Variants in XPC observed in about 807,000 individuals in gnomAD.
XPC encodes the protein XPC complex subunit, DNA damage recognition and repair factor, also known as DNA repair protein complementing XP-C cells.
A neutral mutation model predicts 95.8 loss-of-function variants in XPC; 76 were observed. The observed-to-expected ratio is 0.79, with a 90% CI of 0.66 to 0.96. The LOEUF is 0.96. Among genes scored for constraint, XPC ranks in the 40% least tolerant of loss-of-function variants. The probability of loss-of-function intolerance (pLI) is 0.00; values close to 1 mark genes in which losing one functional copy is unlikely to be tolerated. For missense variants in XPC, 1,146 were observed against 1,179.8 expected (o/e 0.97, Z 0.42); for synonymous variants, 442 against 442.1 (o/e 1.00, Z 0.00).
chr3:14,154,710 A>T (rs1695831196), intron 10 of XPC, among the ~76,000 whole-genome samples: 1 of 152,086 alleles, frequency 6.6e-6, no homozygotes, highest in African/African-American at 2.4e-5. Context: ...CTGGAGATGG[A>T]TGGTGGTGAT....
chr3:14,157,942 G>A, intron 9 of XPC, 69 bp downstream of exon 9: 9 of 1,522,258 alleles, frequency 5.9e-6, no homozygotes, highest in South Asian at 1.3e-5. Context: ...CATATATAAG[G>A]TGCTCAAAAA....
At chr3:14,168,227 A>G (rs1559381597) in intron 4 of XPC, 30 bp downstream of exon 4, 4 of 1,587,474 alleles carry the variant, frequency 2.5e-6, no homozygotes, top group Non-Finnish European at 2.6e-6. Flanking sequence ...TGCATGTGAC[A>G]GGAGCCTAGA....
intron 1 of XPC, among the ~76,000 whole-genome samples, chr3:14,175,212 T>C (rs920673992): frequency 5.9e-5 from 9 of 152,146 alleles, no homozygotes; most frequent in Admixed American, 2.6e-4. Context: ...TAGAACTCTT[T>C]TCCCCAGAAC....
intron 1 of XPC, among the ~76,000 whole-genome samples, chr3:14,175,883 G>GT (rs1486149737): frequency 1.3e-5 from 2 of 152,226 alleles, no homozygotes; most frequent in South Asian, 2.1e-4. Flanking sequence ...AACAAAGGTT[G>GT]TAACTCTGCA....
chr3:14,152,418 T>C lies in XPC; in HGVS notation c.2034-2A>G. The C allele has an allele frequency of 6.2e-7, 1 of 1,609,664 alleles. No homozygotes were observed. The highest frequency in any genetic ancestry group is 1.7e-5 in the Admixed American group (1 of 59,402). On this transcript the variant is annotated splice_acceptor_variant, in intron 10 of 15. Coordinates refer to ENST00000285021, the MANE Select transcript of XPC (RefSeq NM_004628.5). LOFTEE classifies it high-confidence loss of function. The stretch of plus-strand genomic sequence containing the variant: ...GAATGCAGAGTGTGCACACAATCCC[T>C]GTGGAACCAACACAGGACACAAAGG...
intron 10 of XPC, among the ~76,000 whole-genome samples, chr3:14,155,720 G>A (rs898691321): frequency 3.9e-5 from 6 of 151,964 alleles, no homozygotes; most frequent in Admixed American, 6.6e-5. Flanking sequence ...CACCACACCC[G>A]GCTAATTTTT....
At chr3:14,163,078 CATA>C (rs773957781) in intron 7 of XPC, among the ~76,000 whole-genome samples, 12 of 152,190 alleles carry the variant, frequency 7.9e-5, no homozygotes, top group Non-Finnish European at 1.8e-4. Context: ...TGACACCCAT[CATA>C]ATGACTATAA....
rs1405362307 is a variant in XPC at position 14,158,222 on chromosome 3, T to C, written c.1661A>G (p.Gln554Arg). ...GGCGTACTTGTAACAGGTCAGAGGC[T>C]GGCCCACCACACCGTGCACACAGTC... The part of the protein sequence containing the change: ...CVDCVHGVVG[Q>R]PLTCYKYATK... Residue 554 changes from glutamine to arginine, a missense_variant, in exon 9 of 16, where the codon CAG (glutamine) becomes CGG (arginine). Transcript: ENST00000285021. The surrounding 1 kb of genome is among the most constrained non-coding windows in gnomAD (Gnocchi z 5.2). The C allele has an allele frequency of 6.2e-7, 1 of 1,614,016 alleles. No individual in the cohort carries two copies.
At position 14,148,824 on chromosome 3, in the gene XPC, A is replaced by G; in HGVS notation, c.2240T>C (p.Val747Ala). 1 of 1,613,982 alleles carries G rather than the reference A, an allele frequency of 6.2e-7. No homozygotes were observed. The highest frequency in any genetic ancestry group is 8.5e-7 in the Non-Finnish European group (1 of 1,179,872). Residue 747 changes from valine to alanine, a missense_variant, in exon 12 of 16, where the codon GTG (valine) becomes GCG (alanine). Val to Ala is a moderately conservative substitution (Grantham distance 64, BLOSUM62 0). Coordinates refer to ENST00000285021, the MANE Select transcript of XPC (RefSeq NM_004628.5). ...QTEEYQPPVA[V>A]DGKVPRNEFG... Reference sequence around the variant, plus strand: ...TGATGCTGCCCTTACCTTCCCGTCCACGGCCACTGGGGGCTGATACTCCTC... The same window carrying G: ...TGATGCTGCCCTTACCTTCCCGTCCGCGGCCACTGGGGGCTGATACTCCTC...
chr3:14,157,989 C>G, intron 9 of XPC, 22 bp downstream of exon 9: 4 of 1,577,134 alleles, frequency 2.5e-6, no homozygotes, highest in Non-Finnish European at 3.5e-6. Flanking sequence ...TGTCTTGGAG[C>G]CCCTGGCAGC....
At chr3:14,152,273 T>C in intron 11 of XPC, 62 bp downstream of exon 11, 1 of 1,468,412 alleles carries the variant, frequency 6.8e-7, no homozygotes, top group Non-Finnish European at 9.4e-7. Flanking sequence ...TGCCCCCAGC[T>C]CTCCCGCTCA....
In XPC at chr3:14,147,910, C is replaced by T. The variant is rs780651535; in HGVS notation, c.2512G>A (p.Glu838Lys). 1.4e-5 allele frequency: 22 copies of T among 1,598,696 alleles called. No individual in the cohort carries two copies. The highest frequency in any genetic ancestry group is 1.8e-5 in the Non-Finnish European group (21 of 1,171,942). The stretch of plus-strand genomic sequence containing the variant: ...CTCAGTCCTGCATATGCGCTTACCT[C>T]CTTCTCCTTCCTTTCAATGACTGCC... ...EQAVIERKEK[E>K]KKEKRALGNW... The change falls in exon 14 of 16, where the codon GAG becomes AAG. Residue 838 changes from glutamate to lysine, a missense_variant and splice_region_variant. By Grantham distance (56) the Glu-to-Lys change is moderately conservative. Transcript: ENST00000285021.
chr3:14,146,698 T>C (rs777419076), intron 15 of XPC, among the ~76,000 whole-genome samples: 1 of 152,124 alleles, frequency 6.6e-6, no homozygotes, highest in Non-Finnish European at 1.5e-5. Context: ...AAAAAAATGT[T>C]GAAAGGCAAA....
chr3:14,178,347 G>A (rs1696925373), intron 1 of XPC, 119 bp downstream of exon 1: 2 of 1,199,374 alleles, frequency 1.7e-6, no homozygotes, highest in Non-Finnish European at 2.2e-6. Flanking sequence ...TGCCCCCACG[G>A]CGCGGAACGC....
At chr3:14,146,196 G>T (rs758538525) in intron 15 of XPC, 37 bp from the exon 16 acceptor site, 3 of 1,562,574 alleles carry the variant, frequency 1.9e-6, no homozygotes, top group Non-Finnish European at 2.6e-6. Flanking sequence ...CACAGGCGAG[G>T]GTTAGTAATC....
chr3:14,174,046 G>A (rs1696716770), intron 1 of XPC, among the ~76,000 whole-genome samples: 1 of 151,988 alleles, frequency 6.6e-6, no homozygotes, highest in South Asian at 2.1e-4. Context: ...ACTTTTGCAT[G>A]AGGGAAAAAA....
At chr3:14,159,602 C>T in intron 8 of XPC, 139 bp downstream of exon 8, 1 of 847,666 alleles carries the variant, frequency 1.2e-6, no homozygotes, top group Non-Finnish European at 1.9e-6. Context: ...TCTTCCCTAA[C>T]ACAGGGTATG....
At chr3:14,167,995 T>C (rs763055576) in intron 4 of XPC, among the ~76,000 whole-genome samples, 3 of 152,170 alleles carry the variant, frequency 2.0e-5, no homozygotes, top group African/African-American at 7.2e-5. Flanking sequence ...ACAACACTGT[T>C]CTAAGGATTA....
intron 15 of XPC, among the ~76,000 whole-genome samples, chr3:14,146,948 A>C (rs1695463171): frequency 6.6e-6 from 1 of 152,216 alleles, no homozygotes; most frequent in East Asian, 1.9e-4. Flanking sequence ...GGTCACAGGC[A>C]CTGGGAACAC....
Sources: allele counts gnomAD v4.1 joint callset (sites outside exome capture counted in the v4.1 genomes callset), GRCh38; gene constraint gnomAD v4.1.1; non-coding constraint Gnocchi (gnomAD v3.1); transcripts MANE v1.5; gene names NCBI Gene and HGNC (gene_info 2026-07-23, HGNC 2026-07-21).